PDSS2: variants seen among roughly 807,000 people sequenced by gnomAD.
The protein encoded by PDSS2 is decaprenyl diphosphate synthase subunit 2, also known as all trans-polyprenyl-diphosphate synthase PDSS2.
In PDSS2, 31 loss-of-function variants were observed where a neutral mutation model predicts 44.5. The ratio of observed to expected loss-of-function variants is 0.70; its 90% CI spans 0.52 to 0.94. The LOEUF is 0.94. Among genes scored for constraint, PDSS2 ranks in the 40% least tolerant of loss-of-function variants. The pLI, the probability that PDSS2 is intolerant of heterozygous loss-of-function variation, is 0.00. For missense variants in PDSS2, 452 were observed against 482.2 expected (o/e 0.94, Z 0.59); for synonymous variants, 157 against 180.3 (o/e 0.87, Z 1.03).
At chr6:107,189,462 C>A (rs1162902694) in intron 7 of PDSS2, among the ~76,000 whole-genome samples, 4 of 152,032 alleles carry the variant, frequency 2.6e-5, no homozygotes, top group African/African-American at 9.7e-5. Context: ...CTCAGCCTCC[C>A]GAGTAGCTAG....
In PDSS2 at chr6:107,429,933, T is replaced by C. The variant is rs556803555; in HGVS notation, c.296+29057A>G. The stretch of plus-strand genomic sequence containing the variant: ...ATATATATATATATATATATATATA[T>C]ATATACACCAAACCCAGAAAGAAAG... On this transcript the variant is annotated intron_variant, in intron 1 of 7. Transcript: ENST00000369037. Among the ~76,000 whole-genome samples the C allele has an allele frequency of 8.0e-4, 84 of 105,118 alleles. 3 individuals carry two copies. The highest frequency in any genetic ancestry group is 2.3e-3 in the African/African-American group (67 of 28,888). The allele number at this position is 105,118 out of a possible 152,430, so 69.0% of individuals were successfully genotyped here.
intron 1 of PDSS2, among the ~76,000 whole-genome samples, chr6:107,407,851 C>G (rs1267350857): frequency 6.6e-6 from 1 of 151,046 alleles, no homozygotes; most frequent in Non-Finnish European, 1.5e-5. Flanking sequence ...AGGTGCCTGC[C>G]ACCATGCATG....
In PDSS2 at chr6:107,280,471, A is replaced by G. The variant is rs146010939; in HGVS notation, c.432-6244T>C. Among the ~76,000 whole-genome samples the G allele has an allele frequency of 2.6e-3, 394 of 152,338 alleles. 3 individuals are homozygous for G. The highest frequency in any genetic ancestry group is 9.1e-3 in the African/African-American group (380 of 41,570). ...TGAAAGATTAATAAATGTTTTTACAAGATTTTTCACCAAATCACTTTCTTT... is the reference window on the plus strand; with the variant it reads ...TGAAAGATTAATAAATGTTTTTACAGGATTTTTCACCAAATCACTTTCTTT... On this transcript the variant is annotated intron_variant, in intron 2 of 7. Transcript: ENST00000369037.
chr6:107,264,285 C>T, intron 3 of PDSS2: 2 of 1,387,316 alleles, frequency 1.4e-6, no homozygotes, highest in Non-Finnish European at 9.4e-7. Context: ...TCATTTTAAA[C>T]AACATATTTA....
chr6:107,154,572 C>G lies in PDSS2; in HGVS notation c.*47G>C, dbSNP rs781801830. 3 of 1,587,942 alleles carry G rather than the reference C, an allele frequency of 1.9e-6. No individual in the cohort carries two copies. Among genetic ancestry groups the G allele is most frequent in the Non-Finnish European group, 2.6e-6 (3 of 1,156,536 alleles). ...GAAAGCGCTCCCAATCAACCTCATT[C>G]CCTAGGATTTTCAGCTAACTAACAA... On this transcript the variant is annotated 3_prime_UTR_variant, in exon 8 of 8. Coordinates refer to ENST00000369037, the MANE Select transcript of PDSS2 (RefSeq NM_020381.4).
At chr6:107,392,870 T>C (rs1779825951) in intron 1 of PDSS2, among the ~76,000 whole-genome samples, 1 of 152,168 alleles carries the variant, frequency 6.6e-6, no homozygotes, top group Non-Finnish European at 1.5e-5. Context: ...AAACTTAGCC[T>C]GTTTTGATTC....
chr6:107,190,640 A>G (rs1345836756), intron 7 of PDSS2, among the ~76,000 whole-genome samples: 1 of 152,228 alleles, frequency 6.6e-6, no homozygotes, highest in Admixed American at 6.5e-5. Context: ...AGGATTTGCT[A>G]TAGGAGACAA....
chr6:107,348,296 T>G (rs1279114926), intron 1 of PDSS2, among the ~76,000 whole-genome samples: 2 of 152,200 alleles, frequency 1.3e-5, no homozygotes, highest in Admixed American at 1.3e-4. Flanking sequence ...TAGAGACAGG[T>G]TAGCGTCTTG....
At chr6:107,288,425 A>G (rs1429357473) in intron 2 of PDSS2, among the ~76,000 whole-genome samples, 2 of 152,192 alleles carry the variant, frequency 1.3e-5, no homozygotes, top group Non-Finnish European at 2.9e-5. Flanking sequence ...GAGGAGCACA[A>G]GTTGATTTTC....
At chr6:107,228,541 A>G (rs1167801276) in intron 4 of PDSS2, among the ~76,000 whole-genome samples, 1 of 152,028 alleles carries the variant, frequency 6.6e-6, no homozygotes, top group Admixed American at 6.6e-5. Context: ...TAAAAATACA[A>G]AAAATTAGCT....
intron 1 of PDSS2, among the ~76,000 whole-genome samples, chr6:107,350,290 A>G (rs1304802496): frequency 6.6e-6 from 1 of 152,220 alleles, no homozygotes; most frequent in Non-Finnish European, 1.5e-5. Flanking sequence ...GAAACTATAT[A>G]AATATCTCAT....
chr6:107,173,176 A>G (rs1441946257), intron 7 of PDSS2, among the ~76,000 whole-genome samples: 4 of 151,722 alleles, frequency 2.6e-5, no homozygotes, highest in African/African-American at 4.8e-5. Context: ...TTAGTCCTTC[A>G]TGAATAAGGC....
chr6:107,206,855 A>C (rs1227149163), intron 6 of PDSS2, among the ~76,000 whole-genome samples: 1 of 152,146 alleles, frequency 6.6e-6, no homozygotes, highest in Non-Finnish European at 1.5e-5. Flanking sequence ...TAACTCTAAC[A>C]AAACCGGGCT....
intron 1 of PDSS2, among the ~76,000 whole-genome samples, chr6:107,400,565 G>A (rs928017411): frequency 2.0e-5 from 3 of 152,152 alleles, no homozygotes; most frequent in African/African-American, 7.2e-5. Context: ...GGCTGTCTCA[G>A]CTTGCTGCAA....
chr6:107,236,455 G>A (rs1256726132), intron 4 of PDSS2, among the ~76,000 whole-genome samples: 5 of 146,320 alleles, frequency 3.4e-5, no homozygotes, highest in African/African-American at 7.6e-5. Flanking sequence ...GCAACAGGGC[G>A]AGACTCTGTC....
chr6:107,190,384 C>A (rs1352238563), intron 7 of PDSS2, among the ~76,000 whole-genome samples: 1 of 152,148 alleles, frequency 6.6e-6, no homozygotes, highest in African/African-American at 2.4e-5. Context: ...TATTTTCTTA[C>A]TCATGGCCTC....
At chr6:107,324,911 G>A (rs1186913415) in intron 2 of PDSS2, among the ~76,000 whole-genome samples, 1 of 152,098 alleles carries the variant, frequency 6.6e-6, no homozygotes, top group East Asian at 1.9e-4. Flanking sequence ...TGAAGGTGAG[G>A]ATGGATAGAT....
chr6:107,428,379 A>G (rs1180416419), intron 1 of PDSS2, among the ~76,000 whole-genome samples: 1 of 152,256 alleles, frequency 6.6e-6, no homozygotes, highest in African/African-American at 2.4e-5. Context: ...CTATGCTTTG[A>G]AGAATGATAC....
intron 7 of PDSS2, among the ~76,000 whole-genome samples, chr6:107,161,404 C>T (rs1017509469): frequency 1.5e-4 from 22 of 151,068 alleles, no homozygotes; most frequent in East Asian, 1.4e-3. Flanking sequence ...GGCGTGACCC[C>T]GGGAGGTGGA....
Sources: gnomAD v4.1 joint callset for allele counts (sites outside exome capture counted in the v4.1 genomes callset) on GRCh38, gnomAD v4.1.1 for gene constraint, MANE v1.5 for transcripts, NCBI Gene and HGNC (gene_info 2026-07-23, HGNC 2026-07-21) for gene names.